Variants in KCNQ5 observed in about 807,000 individuals in gnomAD.
KCNQ5 encodes potassium voltage-gated channel subfamily KQT member 5.
A neutral mutation model predicts 98.2 loss-of-function variants in KCNQ5; 30 were observed. That is an observed-to-expected ratio of 0.31 (90% CI 0.23 to 0.41). The LOEUF (loss-of-function observed/expected upper bound fraction) is 0.41, where lower values mean the gene tolerates loss of function less well. Ranked by LOEUF, KCNQ5 falls within the 10% of genes least tolerant of loss-of-function variation. The pLI, the probability that KCNQ5 is intolerant of heterozygous loss-of-function variation, is 1.00. For synonymous variants in KCNQ5, 458 were observed against 449.4 expected (o/e 1.02, Z -0.24); for missense variants, 835 against 1,182.5 (o/e 0.71, Z 4.31).
intron 1 of KCNQ5, among the ~76,000 whole-genome samples, chr6:72,877,959 A>G (rs1395212147): frequency 6.6e-6 from 1 of 152,232 alleles, no homozygotes; most frequent in Non-Finnish European, 1.5e-5. Flanking sequence ...TCAGTTAAGT[A>G]TCTTCTGTAG....
At chr6:72,683,437 G>A (rs11759937) in intron 1 of KCNQ5, among the ~76,000 whole-genome samples, 1,974 of 146,724 alleles carry the variant, frequency 0.013, 33 homozygotes, top group African/African-American at 0.043. Context: ...GCGCAATCTC[G>A]GCTCACTGTA....
intron 2 of KCNQ5, among the ~76,000 whole-genome samples, chr6:73,006,761 A>C (rs1769832128): frequency 6.6e-6 from 1 of 152,260 alleles, no homozygotes; most frequent in African/African-American, 2.4e-5. Flanking sequence ...AGAGGTGTAC[A>C]TTTAGAACTA....
chr6:72,673,843 A>G (rs1326415816), intron 1 of KCNQ5, among the ~76,000 whole-genome samples: 1 of 152,200 alleles, frequency 6.6e-6, no homozygotes, highest in Non-Finnish European at 1.5e-5. Flanking sequence ...ATTGGACAAT[A>G]GAAGTTATTT....
intron 1 of KCNQ5, among the ~76,000 whole-genome samples, chr6:72,783,859 G>C (rs892520278): frequency 1.3e-5 from 2 of 152,104 alleles, no homozygotes; most frequent in African/African-American, 4.8e-5. Flanking sequence ...TGGATTGGAG[G>C]CTTCTTTTTC....
At chr6:72,778,773 A>T (rs111843086) in intron 1 of KCNQ5, among the ~76,000 whole-genome samples, 30 of 152,330 alleles carry the variant, frequency 2.0e-4, no homozygotes, top group Middle Eastern at 3.4e-3. Context: ...AAAAAATTTT[A>T]AAAAAATCAA....
chr6:72,987,913 C>T (rs766798752), intron 1 of KCNQ5, among the ~76,000 whole-genome samples: 4 of 152,088 alleles, frequency 2.6e-5, no homozygotes, highest in South Asian at 2.1e-4. Flanking sequence ...TAATGGAACA[C>T]TAGGCATAAG....
At chr6:72,885,815 C>A (rs562602241) in intron 1 of KCNQ5, among the ~76,000 whole-genome samples, 20 of 152,194 alleles carry the variant, frequency 1.3e-4, no homozygotes, top group African/African-American at 4.8e-4. Flanking sequence ...TGCTTAAGGG[C>A]AATTGCTGCA....
chr6:72,917,778 C>T (rs968997920), intron 1 of KCNQ5, among the ~76,000 whole-genome samples: 2 of 152,134 alleles, frequency 1.3e-5, no homozygotes, highest in African/African-American at 2.4e-5. Context: ...GCCAGGAGCT[C>T]CCTTTTCATA....
chr6:72,847,251 G>T (rs1200461872), intron 1 of KCNQ5, among the ~76,000 whole-genome samples: 2 of 152,008 alleles, frequency 1.3e-5, no homozygotes, highest in Non-Finnish European at 2.9e-5. Flanking sequence ...TGCAATCTCC[G>T]CCTTGTGGGT....
At chr6:72,846,283 A>G (rs1339113757) in intron 1 of KCNQ5, among the ~76,000 whole-genome samples, 4 of 152,144 alleles carry the variant, frequency 2.6e-5, no homozygotes, top group Admixed American at 6.6e-5. Context: ...ACCATTTCTC[A>G]AAGAGTTGTG....
intron 1 of KCNQ5, among the ~76,000 whole-genome samples, chr6:72,748,176 T>C (rs569442386): frequency 6.6e-6 from 1 of 152,234 alleles, no homozygotes; most frequent in African/African-American, 2.4e-5. Flanking sequence ...TGATGTGTGA[T>C]AGTTGTTTGT....
At chr6:72,684,631 GTGT>G (rs1767862885) in intron 1 of KCNQ5, among the ~76,000 whole-genome samples, 1 of 152,154 alleles carries the variant, frequency 6.6e-6, no homozygotes, top group Non-Finnish European at 1.5e-5. Flanking sequence ...GCAAGAAAAA[GTGT>G]TGTTTTCATG....
chr6:72,922,007 G>C (rs1348383650), intron 1 of KCNQ5, among the ~76,000 whole-genome samples: 1 of 152,158 alleles, frequency 6.6e-6, no homozygotes, highest in Non-Finnish European at 1.5e-5. Context: ...GGGTGGGAGA[G>C]AACAGAGCCA....
chr6:72,770,398 C>T (rs1233247737), intron 1 of KCNQ5, among the ~76,000 whole-genome samples: 2 of 151,920 alleles, frequency 1.3e-5, no homozygotes, highest in Non-Finnish European at 2.9e-5. Context: ...GATGGCTTGA[C>T]AAGTAAATTT....
intron 5 of KCNQ5, among the ~76,000 whole-genome samples, chr6:73,090,013 T>C (rs148705201): frequency 4.6e-4 from 70 of 152,320 alleles, no homozygotes; most frequent in Middle Eastern, 3.4e-3. Flanking sequence ...GTTGTGCTAG[T>C]TTACATTCCA....
chr6:72,761,623 A>G (rs1772282876), intron 1 of KCNQ5, among the ~76,000 whole-genome samples: 1 of 151,854 alleles, frequency 6.6e-6, no homozygotes, highest in African/African-American at 2.4e-5. Context: ...TATAATTATG[A>G]AATAATATAA....
chr6:72,858,326 A>G (rs553912833), intron 1 of KCNQ5, among the ~76,000 whole-genome samples: 8 of 152,230 alleles, frequency 5.3e-5, no homozygotes, highest in African/African-American at 1.9e-4. Flanking sequence ...TTTATTTCAA[A>G]AGTTCGTTTG....
At chr6:72,826,256 A>T (rs147937068) in intron 1 of KCNQ5, among the ~76,000 whole-genome samples, 1 of 152,178 alleles carries the variant, frequency 6.6e-6, no homozygotes, top group East Asian at 1.9e-4. Context: ...CTGCAAGATT[A>T]GTCATTAGAT....
chr6:72,761,643 A>C (rs1249498338), intron 1 of KCNQ5, among the ~76,000 whole-genome samples: 1 of 151,838 alleles, frequency 6.6e-6, no homozygotes, highest in African/African-American at 2.4e-5. Context: ...AATATTCTTT[A>C]TATGTCATTT....
Sources: gnomAD v4.1 joint callset for allele counts (sites outside exome capture counted in the v4.1 genomes callset) on GRCh38, gnomAD v4.1.1 for gene constraint, MANE v1.5 for transcripts, NCBI Gene and HGNC (gene_info 2026-07-23, HGNC 2026-07-21) for gene names.